Variants in TBC1D5 observed in about 807,000 individuals in gnomAD.
TBC1D5 encodes TBC1 domain family, member 5.
TBC1D5 carries 75 observed loss-of-function variants against 100.3 expected under a neutral mutation model. The observed-to-expected ratio is 0.75, with a 90% CI of 0.62 to 0.91. The LOEUF is 0.91. TBC1D5 is among the 40% of genes least tolerant of loss of function. The probability of loss-of-function intolerance (pLI) is 0.00; values close to 1 mark genes in which losing one functional copy is unlikely to be tolerated. For synonymous variants in TBC1D5, 323 were observed against 325.6 expected (o/e 0.99, Z 0.09); for missense variants, 910 against 942.4 (o/e 0.97, Z 0.45).
intron 4 of TBC1D5, among the ~76,000 whole-genome samples, chr3:17,409,645 A>T (rs998617309): frequency 2.6e-5 from 4 of 152,122 alleles, no homozygotes; most frequent in Non-Finnish European, 5.9e-5. Context: ...CTCATGAATG[A>T]TGAGAAAGCA....
Position 17,299,858 on chromosome 3 carries a change from CAAAAAAAAA to C in TBC1D5, c.1139-7866_1139-7858del, listed in dbSNP as rs10590475. Among the ~76,000 whole-genome samples, 20 of 48,616 alleles carry C rather than the reference CAAAAAAAAA, an allele frequency of 4.1e-4. No homozygotes were observed. The East Asian group carries it at 0.017, about 42-fold the overall frequency. 31.9% of individuals were successfully genotyped at this position (48,616 alleles called of 152,430 possible). ...TGGACGACAGAGCGAGACTCCGTCT[CAAAAAAAAA>C]AAAAAAAAAAAAAAAAAAGTATCAT... On this transcript the variant is annotated intron_variant, in intron 14 of 21. Coordinates refer to ENST00000253692, the Ensembl canonical transcript of TBC1D5.
At chr3:17,707,197 C>T (rs576917442) in intron 1 of TBC1D5, among the ~76,000 whole-genome samples, 96 of 151,998 alleles carry the variant, frequency 6.3e-4, no homozygotes, top group South Asian at 2.1e-3. Context: ...ATTTTTATAA[C>T]ACTTTAAGAA....
At chr3:17,375,051 G>GA (rs765825928) in intron 10 of TBC1D5, among the ~76,000 whole-genome samples, 1 of 151,786 alleles carries the variant, frequency 6.6e-6, no homozygotes. Flanking sequence ...TCAAAACATT[G>GA]ATTTATTTTC....
At position 17,377,479 on chromosome 3, in the gene TBC1D5, T is replaced by C. The variant is rs190647976; in HGVS notation, c.613-866A>G. 1.1e-3 allele frequency among the ~76,000 whole-genome samples: 161 copies of C among 152,210 alleles called. 2 individuals are homozygous for C. Among genetic ancestry groups the C allele is most frequent in the Non-Finnish European group, 6.2e-4 (42 of 67,940 alleles). On this transcript the variant is annotated intron_variant, in intron 9 of 21. Transcript: ENST00000253692. The stretch of plus-strand genomic sequence containing the variant: ...CATTTCAGCAAGTTAAAACAGATTA[T>C]AATCTTTCCTGTCTCTTAAAGTGAG...
chr3:17,160,906 G>A, exon 22 of TBC1D5: 2 of 1,563,866 alleles, frequency 1.3e-6, no homozygotes, highest in Non-Finnish European at 1.7e-6. Flanking sequence ...CCTCAGTCTG[G>A]CCTTGGGGCC....
chr3:17,342,787 A>G (rs1055540524), intron 13 of TBC1D5, among the ~76,000 whole-genome samples: 2 of 152,210 alleles, frequency 1.3e-5, no homozygotes, highest in Non-Finnish European at 2.9e-5. Context: ...TAAAAATATG[A>G]CCATAACACG....
intron 1 of TBC1D5, among the ~76,000 whole-genome samples, chr3:17,730,920 ATAT>A (rs904943019): frequency 1.4e-4 from 22 of 152,298 alleles, no homozygotes; most frequent in African/African-American, 4.1e-4. Context: ...TTCACAATAA[ATAT>A]TATAATTCAT....
rs148235479 is a variant in TBC1D5 at position 17,661,596 on chromosome 3, G to A, written c.-100-37683C>T. Among the ~76,000 whole-genome samples, 26 of 151,350 alleles carry A rather than the reference G, an allele frequency of 1.7e-4. 1 individual carries two copies. In the East Asian group the frequency reaches 4.7e-3, roughly 27 times the overall value. Reference sequence around the variant, plus strand: ...GCTCACTGCAACCTCCGCTTCCCAGGTTCAAGCGATTCCCCTGCCTCAGCC... The same window carrying A: ...GCTCACTGCAACCTCCGCTTCCCAGATTCAAGCGATTCCCCTGCCTCAGCC... On this transcript the variant is annotated intron_variant, in intron 1 of 21. Coordinates refer to ENST00000253692, the Ensembl canonical transcript of TBC1D5.
At chr3:17,361,758 T>G (rs2091737397) in intron 13 of TBC1D5, among the ~76,000 whole-genome samples, 1 of 152,004 alleles carries the variant, frequency 6.6e-6, no homozygotes, top group African/African-American at 2.4e-5. Flanking sequence ...AGGAAGTAAC[T>G]TATAGCAATA....
At chr3:17,380,063 G>T (rs1014535946) in intron 9 of TBC1D5, among the ~76,000 whole-genome samples, 1 of 147,736 alleles carries the variant, frequency 6.8e-6, no homozygotes, top group Non-Finnish European at 1.5e-5. Context: ...GTGTGTGTGT[G>T]TGTGTGTGTG....
intron 2 of TBC1D5, among the ~76,000 whole-genome samples, chr3:17,587,466 T>A (rs1488629626): frequency 6.6e-6 from 1 of 151,978 alleles, no homozygotes; most frequent in East Asian, 1.9e-4. Flanking sequence ...TTACTGAGAT[T>A]CAATATAAAT....
Position 17,634,439 on chromosome 3 carries a change from T to TTCC in TBC1D5, c.-100-10527_-100-10526insGGA, listed in dbSNP as rs2063737187. Among the ~76,000 whole-genome samples the TTCC allele has an allele frequency of 2.0e-5, 3 of 152,094 alleles. No homozygotes were observed. The East Asian group carries it at 5.8e-4, about 29-fold the overall frequency. On this transcript the variant is annotated intron_variant, in intron 1 of 21. Transcript: ENST00000253692. ...TCATCTGGAACAACATGGGTGGAAC[T>TTCC]GGAGGTCACTATGTTAACTGAAATA...
chr3:17,660,502 A>G (rs1416805188), intron 1 of TBC1D5, among the ~76,000 whole-genome samples: 1 of 152,264 alleles, frequency 6.6e-6, no homozygotes, highest in Non-Finnish European at 1.5e-5. Flanking sequence ...TTACTGGTCC[A>G]GAGATAACAT....
In TBC1D5 at chr3:17,272,190, G is replaced by T. The variant is rs1483470613; in HGVS notation, c.1246-13599C>A. ...TGTTACACTGTGACTTATTTTTCTAGACTGTACTACTTAATGATTATTGAT... is the reference window on the plus strand; with the variant it reads ...TGTTACACTGTGACTTATTTTTCTATACTGTACTACTTAATGATTATTGAT... On this transcript the variant is annotated intron_variant, in intron 15 of 21. Coordinates refer to ENST00000253692, the Ensembl canonical transcript of TBC1D5. 2.0e-5 allele frequency among the ~76,000 whole-genome samples: 3 copies of T among 152,252 alleles called. No individual in the cohort carries two copies. In the East Asian group the frequency reaches 5.8e-4, roughly 29 times the overall value.
intron 15 of TBC1D5, among the ~76,000 whole-genome samples, chr3:17,264,145 C>T (rs1015033414): frequency 6.6e-6 from 1 of 152,076 alleles, no homozygotes. Context: ...AGTCCAAACT[C>T]ATTTTGTTAT....
intron 3 of TBC1D5, among the ~76,000 whole-genome samples, chr3:17,437,678 G>A (rs2094562881): frequency 7.9e-6 from 1 of 126,292 alleles, no homozygotes; most frequent in Non-Finnish European, 1.6e-5. Flanking sequence ...GGAGAGAGGG[G>A]GCAGAGGAAG....
chr3:17,614,437 G>C (rs370485806), intron 2 of TBC1D5, among the ~76,000 whole-genome samples: 1 of 152,192 alleles, frequency 6.6e-6, no homozygotes, highest in South Asian at 2.1e-4. Context: ...GTCATTGGTA[G>C]CTTGATGGCG....
intron 3 of TBC1D5, among the ~76,000 whole-genome samples, chr3:17,492,845 C>T (rs2095655968): frequency 6.6e-6 from 1 of 152,210 alleles, no homozygotes; most frequent in African/African-American, 2.4e-5. Flanking sequence ...GCATTATTTA[C>T]TCAAGAATCA....
chr3:17,626,035 C>T (rs1002907203), intron 1 of TBC1D5, among the ~76,000 whole-genome samples: 2 of 151,874 alleles, frequency 1.3e-5, no homozygotes. Flanking sequence ...CTGAATTTAC[C>T]CAGATATATA....
Sources: allele counts gnomAD v4.1 joint callset (sites outside exome capture counted in the v4.1 genomes callset), GRCh38; gene constraint gnomAD v4.1.1; transcripts MANE v1.5; gene names NCBI Gene and HGNC (gene_info 2026-07-23, HGNC 2026-07-21).